SYT1: variants seen among roughly 807,000 people sequenced by gnomAD.
SYT1 encodes synaptotagmin-1.
SYT1 carries 8 observed loss-of-function variants against 44.8 expected under a neutral mutation model. The ratio of observed to expected loss-of-function variants is 0.18; its 90% CI spans 0.10 to 0.32. The LOEUF (loss-of-function observed/expected upper bound fraction) is 0.32. Ranked by LOEUF, SYT1 falls within the 10% of genes least tolerant of loss-of-function variation. SYT1 has a pLI of 1.00. For synonymous variants in SYT1, 154 were observed against 188.8 expected (o/e 0.82, Z 1.51); for missense variants, 286 against 509.3 (o/e 0.56, Z 4.22).
chr12:79,109,566 T>C (rs1298176476), intron 3 of SYT1, among the ~76,000 whole-genome samples: 3 of 152,336 alleles, frequency 2.0e-5, no homozygotes, highest in Non-Finnish European at 4.4e-5. Context: ...CTTGGCAATG[T>C]TGTGAAACCC....
At chr12:79,246,333 T>A (rs1412252482) in intron 4 of SYT1, among the ~76,000 whole-genome samples, 1 of 152,238 alleles carries the variant, frequency 6.6e-6, no homozygotes. Flanking sequence ...TTTTACACAT[T>A]TTTCATGATA....
At chr12:79,067,522 C>G (rs1875956391) in intron 3 of SYT1, among the ~76,000 whole-genome samples, 1 of 152,000 alleles carries the variant, frequency 6.6e-6, no homozygotes, top group African/African-American at 2.4e-5. Flanking sequence ...CTTGGAGTTC[C>G]TTAGAGAAAA....
At chr12:79,337,704 G>GT (rs1381944508) in intron 8 of SYT1, among the ~76,000 whole-genome samples, 1 of 152,164 alleles carries the variant, frequency 6.6e-6, no homozygotes, top group Non-Finnish European at 1.5e-5. Context: ...ATCTGCCACT[G>GT]TTTTTCATGA....
chr12:79,415,577 G>A (rs1023328879), intron 9 of SYT1, among the ~76,000 whole-genome samples: 27 of 152,034 alleles, frequency 1.8e-4, no homozygotes, highest in South Asian at 2.1e-4. Context: ...CGATTCCCTC[G>A]AGTGAATGGA....
At chr12:79,291,760 TGC>T in intron 5 of SYT1, 1 of 584,828 alleles carries the variant, frequency 1.7e-6, no homozygotes. Context: ...TTACATTTTT[TGC>T]TTGCAATATT....
intron 2 of SYT1, among the ~76,000 whole-genome samples, chr12:78,978,468 T>C (rs565126567): frequency 4.9e-4 from 74 of 152,344 alleles, no homozygotes; most frequent in South Asian, 1.7e-3. Context: ...GAAGTACATA[T>C]ATCACACTGT....
At chr12:79,282,808 A>G (rs1879118526) in intron 4 of SYT1, among the ~76,000 whole-genome samples, 1 of 151,976 alleles carries the variant, frequency 6.6e-6, no homozygotes. Context: ...AGTGATACTG[A>G]ACAAAACTGC....
At chr12:79,184,020 A>G (rs1281078501) in intron 3 of SYT1, among the ~76,000 whole-genome samples, 3 of 152,038 alleles carry the variant, frequency 2.0e-5, no homozygotes, top group African/African-American at 7.2e-5. Context: ...AGAAACAACA[A>G]ACTTCCCAGG....
Position 78,994,534 on chromosome 12 carries a change from A to ATT in SYT1, c.-84+16622_-84+16623dup, listed in dbSNP as rs1158976321. On this transcript the variant is annotated intron_variant, in intron 2 of 10. Transcript: ENST00000261205. ...TTGGTGAGCATCCTTTGTTCTGAGG[A>ATT]TTTTTTTTTTTTTTTTTTTTGAGAT... Among the ~76,000 whole-genome samples the ATT allele has an allele frequency of 2.6e-3, 145 of 55,570 alleles. 2 individuals carry two copies. The highest frequency in any genetic ancestry group is 6.3e-3 in the South Asian group (9 of 1,434). 36.5% of individuals were successfully genotyped at this position (55,570 alleles called of 152,430 possible).
chr12:78,962,678 A>G (rs1879573918), intron 1 of SYT1, among the ~76,000 whole-genome samples: 1 of 152,144 alleles, frequency 6.6e-6, no homozygotes, highest in Admixed American at 6.6e-5. Context: ...ATGTTTTAAT[A>G]ATGTGGCTCA....
At chr12:78,880,919 C>T (rs1435721755) in intron 1 of SYT1, among the ~76,000 whole-genome samples, 1 of 151,546 alleles carries the variant, frequency 6.6e-6, no homozygotes, top group Non-Finnish European at 1.5e-5. Context: ...AATTTTCCTC[C>T]TAACTATTGC....
intron 3 of SYT1, among the ~76,000 whole-genome samples, chr12:79,051,509 A>G (rs890990113): frequency 5.3e-5 from 8 of 151,580 alleles, no homozygotes; most frequent in African/African-American, 1.7e-4. Flanking sequence ...TAACATATGC[A>G]CATTAAGTTT....
chr12:79,358,268 G>A (rs879432114), intron 9 of SYT1, among the ~76,000 whole-genome samples: 7 of 152,066 alleles, frequency 4.6e-5, no homozygotes, highest in Non-Finnish European at 7.4e-5. Flanking sequence ...TTTAAAATAA[G>A]CAAAAATTGA....
chr12:78,905,046 TTTG>T (rs1190909388), intron 1 of SYT1, among the ~76,000 whole-genome samples: 2 of 152,126 alleles, frequency 1.3e-5, no homozygotes, highest in Admixed American at 6.6e-5. Flanking sequence ...CTGTAGCTTT[TTTG>T]TTGTTATTGT....
chr12:79,022,266 G>A (rs2137628201), intron 2 of SYT1, among the ~76,000 whole-genome samples: 1 of 151,844 alleles, frequency 6.6e-6, no homozygotes. Flanking sequence ...TTCAACTGAG[G>A]CTTTAAAACT....
chr12:79,307,230 G>A (rs1880439731), intron 8 of SYT1, among the ~76,000 whole-genome samples: 1 of 152,080 alleles, frequency 6.6e-6, no homozygotes, highest in African/African-American at 2.4e-5. Context: ...AGGAGAATGA[G>A]GACTCGCTGA....
At chr12:79,225,964 A>C (rs1045918474) in intron 4 of SYT1, among the ~76,000 whole-genome samples, 2 of 152,132 alleles carry the variant, frequency 1.3e-5, no homozygotes, top group Non-Finnish European at 2.9e-5. Context: ...TTTTGTTTTA[A>C]ATTGCTCTAG....
chr12:78,912,597 T>C (rs577046874), intron 1 of SYT1, among the ~76,000 whole-genome samples: 1 of 152,060 alleles, frequency 6.6e-6, no homozygotes, highest in Admixed American at 6.6e-5. Flanking sequence ...GTAATGGAAG[T>C]AGTCTGAAGA....
intron 10 of SYT1, 145 bp from the exon 11 acceptor site, chr12:79,448,773 T>G: frequency 1.4e-6 from 1 of 703,130 alleles, no homozygotes; most frequent in Non-Finnish European, 2.4e-6. Context: ...CGTTTGAGTA[T>G]TAAGATTCAA....
Sources: gnomAD v4.1 joint callset for allele counts (sites outside exome capture counted in the v4.1 genomes callset) on GRCh38, gnomAD v4.1.1 for gene constraint, MANE v1.5 for transcripts, NCBI Gene and HGNC (gene_info 2026-07-23, HGNC 2026-07-21) for gene names.